Variants in CACNA1C observed in about 807,000 individuals in gnomAD.
CACNA1C encodes voltage-dependent L-type calcium channel subunit alpha-1C.
A neutral mutation model predicts 229.0 loss-of-function variants in CACNA1C; 30 were observed. That is an observed-to-expected ratio of 0.13 (90% CI 0.10 to 0.18). CACNA1C has a LOEUF of 0.18. CACNA1C is among the 10% of genes least tolerant of loss of function. CACNA1C has a pLI of 1.00. For synonymous variants in CACNA1C, 1,114 were observed against 1,132.5 expected, an observed-to-expected ratio of 0.98 and a Z score of 0.33; for missense variants, 1,658 against 2,845.0, an observed-to-expected ratio of 0.58 and a Z score of 9.49.
chr12:2,269,237 G>C (rs747105816), intron 3 of CACNA1C, among the ~76,000 whole-genome samples: 2 of 152,216 alleles, frequency 1.3e-5, no homozygotes, highest in Admixed American at 1.3e-4. Context: ...CTAGAGCCAG[G>C]AGGGAGTCAT....
intron 3 of CACNA1C, among the ~76,000 whole-genome samples, chr12:2,365,037 G>A (rs911342011): frequency 1.4e-4 from 22 of 152,190 alleles, no homozygotes; most frequent in Admixed American, 1.3e-4. Context: ...TGCCACAAAG[G>A]AATTGACCCA....
In CACNA1C at chr12:2,666,628, C is replaced by T; in HGVS notation, c.4527-58C>T. 8.8e-7 allele frequency: 1 copy of T among 1,140,798 alleles called. No homozygotes were observed. The highest frequency in any genetic ancestry group is 1.3e-5 in the South Asian group (1 of 74,784). 70.7% of individuals were successfully genotyped at this position (1,140,798 alleles called of 1,614,324 possible). A position where few individuals can be genotyped will look rare whatever the true frequency, so the allele number is the denominator to read the frequency against. ...ACCCCTCAGGCGCATGCGTCCTGGG[C>T]TGCTGGCAGAGACCGTGGCTCTCTG... On this transcript the variant is annotated intron_variant, in intron 36 of 46. Coordinates refer to ENST00000399655, the MANE Select transcript of CACNA1C (RefSeq NM_000719.7). This position sits in a 1 kb window ranked among gnomAD's most constrained non-coding sequence, Gnocchi z 5.3.
intron 3 of CACNA1C, among the ~76,000 whole-genome samples, chr12:2,236,959 C>G (rs2067634175): frequency 6.6e-6 from 1 of 152,212 alleles, no homozygotes; most frequent in South Asian, 2.1e-4. Context: ...CCTAAACTTC[C>G]ACCACCATGA....
intron 3 of CACNA1C, among the ~76,000 whole-genome samples, chr12:2,315,584 C>T (rs1004110786): frequency 2.6e-5 from 4 of 152,280 alleles, no homozygotes; most frequent in South Asian, 2.1e-4. Context: ...AGGTGTTGTA[C>T]GCCCCGTGCC....
In CACNA1C at chr12:2,354,696, C is replaced by G. The variant is rs2097305019; in HGVS notation, c.478-94280C>G. On this transcript the variant is annotated intron_variant, in intron 3 of 46. Coordinates refer to ENST00000399655, the MANE Select transcript of CACNA1C (RefSeq NM_000719.7). This position sits in a 1 kb window ranked among gnomAD's most constrained non-coding sequence, Gnocchi z 4.6. The stretch of plus-strand genomic sequence containing the variant: ...GACCACAGACTGGCTTGTAATTTGG[C>G]TTTTCTGAGCATGGCAAGAGAATCC... Among the ~76,000 whole-genome samples the G allele has an allele frequency of 6.6e-6, 1 of 152,120 alleles. No individual in the cohort carries two copies. The highest frequency in any genetic ancestry group is 1.5e-5 in the Non-Finnish European group (1 of 68,038).
intron 3 of CACNA1C, among the ~76,000 whole-genome samples, chr12:2,393,692 C>T: frequency 6.6e-6 from 1 of 152,196 alleles, no homozygotes; most frequent in East Asian, 1.9e-4. Flanking sequence ...TCTCTATTCT[C>T]TCTGGTTTAA....
chr12:2,588,750 A>G (rs1476567794), intron 18 of CACNA1C, among the ~76,000 whole-genome samples: 1 of 152,216 alleles, frequency 6.6e-6, no homozygotes, highest in Non-Finnish European at 1.5e-5. Context: ...TGAAAAGGAA[A>G]GCATTGTGCC....
chr12:2,185,473 G>T (rs952872119), intron 3 of CACNA1C, among the ~76,000 whole-genome samples: 3 of 152,220 alleles, frequency 2.0e-5, no homozygotes, highest in Non-Finnish European at 2.9e-5. Flanking sequence ...TGCATTTGGA[G>T]ACAGGGTCTT....
At chr12:2,547,588 G>A (rs773021580) in intron 9 of CACNA1C, 48 of 766,506 alleles carry the variant, frequency 6.3e-5, no homozygotes, top group Non-Finnish European at 1.0e-4. Context: ...TGAATGGGAA[G>A]GTGTCTCTCT....
At chr12:2,226,175 T>C (rs1182628323) in intron 3 of CACNA1C, among the ~76,000 whole-genome samples, 1 of 143,860 alleles carries the variant, frequency 7.0e-6, no homozygotes, top group Non-Finnish European at 1.5e-5. Context: ...ACACACACAG[T>C]TTTCTTCATA....
At chr12:2,099,172 T>C (rs997392122) in intron 1 of CACNA1C, among the ~76,000 whole-genome samples, 2 of 152,162 alleles carry the variant, frequency 1.3e-5, no homozygotes, top group African/African-American at 4.8e-5. Context: ...AACAGAATGG[T>C]TTTTAAACAA....
chr12:2,617,726 C>G (rs1261343784), intron 29 of CACNA1C, among the ~76,000 whole-genome samples: 2 of 152,228 alleles, frequency 1.3e-5, no homozygotes, highest in Non-Finnish European at 2.9e-5. Context: ...GAAGGGTCAT[C>G]ACCAGCTGCC....
intron 1 of CACNA1C, among the ~76,000 whole-genome samples, chr12:2,021,876 C>T (rs1037662422): frequency 6.6e-6 from 1 of 152,186 alleles, no homozygotes; most frequent in Non-Finnish European, 1.5e-5. Flanking sequence ...CTCTAAAAGG[C>T]TCCACCTCCC....
intron 1 of CACNA1C, among the ~76,000 whole-genome samples, chr12:1,985,251 C>A (rs1426607145): frequency 6.6e-6 from 1 of 152,072 alleles, no homozygotes; most frequent in East Asian, 1.9e-4. Flanking sequence ...ACAAATTAGA[C>A]CTTCTGATAT....
Position 2,103,674 on chromosome 12 carries a change from T to C in CACNA1C, c.50-11550T>C, listed in dbSNP as rs146918255. On this transcript the variant is annotated intron_variant, in intron 1 of 46. Transcript: ENST00000399655. ...CCCATGCCAATGTCCTTAATGGTATTGCCTAGGTTTTCTTCTAGGGTTTTT... is the reference window on the plus strand; with the variant it reads ...CCCATGCCAATGTCCTTAATGGTATCGCCTAGGTTTTCTTCTAGGGTTTTT... Among the ~76,000 whole-genome samples, 1,299 of 152,364 alleles carry C rather than the reference T, an allele frequency of 8.5e-3. 19 individuals are homozygous for C. The highest frequency in any genetic ancestry group is 0.03 in the African/African-American group (1,229 of 41,570).
chr12:2,494,281 G>C (rs2099742316), intron 7 of CACNA1C, among the ~76,000 whole-genome samples: 1 of 152,116 alleles, frequency 6.6e-6, no homozygotes, highest in Non-Finnish European at 1.5e-5. Flanking sequence ...CCAGATTTTT[G>C]TACAGCCTAC....
intron 1 of CACNA1C, among the ~76,000 whole-genome samples, chr12:1,998,958 TG>T (rs1273185077): frequency 3.3e-5 from 5 of 152,318 alleles, no homozygotes; most frequent in African/African-American, 1.2e-4. Context: ...AAAAGCGTAA[TG>T]TCAAAACAGC....
At chr12:2,211,572 T>C (rs1235995683) in intron 3 of CACNA1C, among the ~76,000 whole-genome samples, 1 of 152,208 alleles carries the variant, frequency 6.6e-6, no homozygotes, top group Non-Finnish European at 1.5e-5. Flanking sequence ...CAGCAGACTC[T>C]CCTTCTTCTA....
rs778804065 is a variant in CACNA1C, at chr12:2,446,189, A to AGGTG, written c.478-2777_478-2774dup. ...GATGGATGGATGGATGGATATATGT[A>AGGTG]GGTGGGTGGGTGGATGGATGGATGG... On this transcript the variant is annotated intron_variant, in intron 3 of 46. Coordinates refer to ENST00000399655, the MANE Select transcript of CACNA1C (RefSeq NM_000719.7). 1.4e-3 allele frequency among the ~76,000 whole-genome samples: 179 copies of AGGTG among 131,962 alleles called. 3 individuals are homozygous for AGGTG. Among genetic ancestry groups the AGGTG allele is most frequent in the Middle Eastern group, 4.2e-3 (1 of 238 alleles). The allele number at this position is 131,962 out of a possible 152,430, so 86.6% of individuals were successfully genotyped here.
Sources: allele counts gnomAD v4.1 joint callset (sites outside exome capture counted in the v4.1 genomes callset), GRCh38; gene constraint gnomAD v4.1.1; non-coding constraint Gnocchi (gnomAD v3.1); transcripts MANE v1.5; gene names NCBI Gene and HGNC (gene_info 2026-07-23, HGNC 2026-07-21).